The following KCND2 variants were observed in gnomAD, a reference collection of about 807,000 sequenced individuals.
KCND2 encodes the protein potassium voltage-gated channel subfamily D member 2.
Under a neutral mutation model 54.4 loss-of-function variants are expected in KCND2, and 16 were observed. That is an observed-to-expected ratio of 0.29 (90% CI 0.20 to 0.45). KCND2 has a LOEUF of 0.45. Among genes scored for constraint, KCND2 ranks in the 20% least tolerant of loss-of-function variants. KCND2 has a pLI of 1.00. For synonymous variants in KCND2, 317 were observed against 310.7 expected (o/e 1.02, Z -0.21); for missense variants, 486 against 824.2 (o/e 0.59, Z 5.02).
At chr7:120,397,775 G>T (rs1235043612) in intron 1 of KCND2, among the ~76,000 whole-genome samples, 2 of 151,206 alleles carry the variant, frequency 1.3e-5, no homozygotes, top group Non-Finnish European at 3.0e-5. Context: ...TTTCTATATT[G>T]TCATATTGGT....
intron 1 of KCND2, among the ~76,000 whole-genome samples, chr7:120,302,694 C>T (rs17142626): frequency 0.012 from 1,856 of 152,248 alleles, 93 homozygotes; most frequent in Admixed American, 0.096. Context: ...TCATTTGTGT[C>T]ACAATATAAA....
At position 120,631,246 on chromosome 7, in the gene KCND2, G is replaced by A. The variant is rs530981888; in HGVS notation, c.1116-101657G>A. Among the ~76,000 whole-genome samples, 108 of 151,994 alleles carry A rather than the reference G, an allele frequency of 7.1e-4. 2 individuals are homozygous for A. The highest frequency in any genetic ancestry group is 2.4e-3 in the African/African-American group (101 of 41,492). On this transcript the variant is annotated intron_variant, in intron 1 of 5. Transcript: ENST00000331113. ...CCAAATATTTTTCTGAGATGCCATT[G>A]TACTTGTCATAAAAAATATGAACTA... is the stretch of plus-strand genomic sequence containing the variant.
intron 1 of KCND2, among the ~76,000 whole-genome samples, chr7:120,616,405 A>G (rs746685916): frequency 5.3e-5 from 8 of 152,190 alleles, no homozygotes; most frequent in Non-Finnish European, 7.4e-5. Flanking sequence ...ACAGAACTAT[A>G]TATTATTTAG....
chr7:120,338,244 T>C (rs1405794538), intron 1 of KCND2, among the ~76,000 whole-genome samples: 2 of 152,172 alleles, frequency 1.3e-5, no homozygotes, highest in Non-Finnish European at 2.9e-5. Context: ...ACCTTTACAA[T>C]TCAGACATAG....
In KCND2 at chr7:120,352,473, C is replaced by T. The variant is rs977618385; in HGVS notation, c.1115+76726C>T. On this transcript the variant is annotated intron_variant, in intron 1 of 5. Transcript: ENST00000331113. ...ACACACATACATACACACACACACA[C>T]ACACACACACACACACACACACACA... 1.9e-3 allele frequency among the ~76,000 whole-genome samples: 286 copies of T among 150,960 alleles called. 1 individual carries two copies. Among genetic ancestry groups the T allele is most frequent in the Non-Finnish European group, 3.1e-3 (212 of 67,708 alleles).
intron 1 of KCND2, among the ~76,000 whole-genome samples, chr7:120,386,109 T>C (rs1800984295): frequency 6.6e-6 from 1 of 152,144 alleles, no homozygotes; most frequent in South Asian, 2.1e-4. Flanking sequence ...GCAGGTTTGA[T>C]GATAGGGCAG....
At chr7:120,277,088 G>T (rs903260477) in intron 1 of KCND2, among the ~76,000 whole-genome samples, 1 of 152,048 alleles carries the variant, frequency 6.6e-6, no homozygotes, top group Admixed American at 6.6e-5. Context: ...ATGTCATGTG[G>T]CCAGCTAATG....
intron 2 of KCND2, among the ~76,000 whole-genome samples, chr7:120,733,588 T>C (rs139193238): frequency 3.0e-4 from 46 of 152,276 alleles, no homozygotes; most frequent in African/African-American, 1.1e-3. Flanking sequence ...TTTCTAGATC[T>C]GATTCATTGA....
At chr7:120,457,744 GT>G (rs1247177219) in intron 1 of KCND2, among the ~76,000 whole-genome samples, 1 of 152,132 alleles carries the variant, frequency 6.6e-6, no homozygotes, top group Non-Finnish European at 1.5e-5. Flanking sequence ...CCTCCAGACT[GT>G]TCCAACCTCT....
chr7:120,490,826 T>C (rs2116299361), intron 1 of KCND2, among the ~76,000 whole-genome samples: 1 of 152,320 alleles, frequency 6.6e-6, no homozygotes, highest in Middle Eastern at 3.4e-3. Context: ...TTCTCTCCTT[T>C]GTCAGCATTA....
At chr7:120,374,926 T>A (rs1453728940) in intron 1 of KCND2, among the ~76,000 whole-genome samples, 1 of 151,848 alleles carries the variant, frequency 6.6e-6, no homozygotes, top group Non-Finnish European at 1.5e-5. Context: ...CCACTGGCTC[T>A]TTTCAGTGTT....
intron 1 of KCND2, among the ~76,000 whole-genome samples, chr7:120,595,460 A>AAAATATATATATATATATATGTGTAT (rs1418247126): frequency 1.8e-5 from 2 of 112,946 alleles, no homozygotes; most frequent in Admixed American, 1.0e-4. Flanking sequence ...CCAAAAAAAA[A>AAAATATATATATATATATATGTGTAT]ATATATATAT....
intron 1 of KCND2, among the ~76,000 whole-genome samples, chr7:120,367,782 C>T (rs1800708269): frequency 1.3e-5 from 2 of 151,818 alleles, no homozygotes; most frequent in South Asian, 2.1e-4. Flanking sequence ...AACTAGTGAC[C>T]AGTTACTTTT....
At chr7:120,423,957 T>A (rs1179648562) in intron 1 of KCND2, among the ~76,000 whole-genome samples, 2 of 152,218 alleles carry the variant, frequency 1.3e-5, no homozygotes, top group Non-Finnish European at 2.9e-5. Flanking sequence ...TGTGCTTTGT[T>A]TCTCATTAGG....
intron 1 of KCND2, among the ~76,000 whole-genome samples, chr7:120,469,973 C>A (rs73435855): frequency 0.023 from 3,477 of 152,108 alleles, 128 homozygotes; most frequent in African/African-American, 0.073. Flanking sequence ...ATCGGCTGAG[C>A]ATTACTCTTA....
At chr7:120,286,852 T>G (rs1240191990) in intron 1 of KCND2, among the ~76,000 whole-genome samples, 1 of 152,074 alleles carries the variant, frequency 6.6e-6, no homozygotes, top group East Asian at 1.9e-4. Flanking sequence ...CAACAGTTTA[T>G]TGTCGAATAA....
At position 120,361,429 on chromosome 7, in the gene KCND2, T is replaced by G. The variant is rs1162707053; in HGVS notation, c.1115+85682T>G. 3.9e-5 allele frequency among the ~76,000 whole-genome samples: 6 copies of G among 152,008 alleles called. No homozygotes were observed. In the East Asian group the frequency reaches 1.2e-3, roughly 29 times the overall value. Reference sequence around the variant, plus strand: ...TTTTTTTTCCTAATGAGATAAAGCTTAGAAATAAAACATAAGTCAATTTCT... The same window carrying G: ...TTTTTTTTCCTAATGAGATAAAGCTGAGAAATAAAACATAAGTCAATTTCT... On this transcript the variant is annotated intron_variant, in intron 1 of 5. Transcript: ENST00000331113.
chr7:120,643,786 A>G (rs1215977220), intron 1 of KCND2, among the ~76,000 whole-genome samples: 2 of 151,734 alleles, frequency 1.3e-5, no homozygotes, highest in Non-Finnish European at 2.9e-5. Context: ...TATTTTAACC[A>G]TGAGTGAAAT....
At chr7:120,547,464 TTGCTC>T (rs1262702896) in intron 1 of KCND2, among the ~76,000 whole-genome samples, 1 of 152,090 alleles carries the variant, frequency 6.6e-6, no homozygotes, top group East Asian at 1.9e-4. Flanking sequence ...ACTTCTCCTA[TTGCTC>T]TGGCAAAATG....
Sources: gnomAD v4.1 joint callset for allele counts (sites outside exome capture counted in the v4.1 genomes callset) on GRCh38, gnomAD v4.1.1 for gene constraint, MANE v1.5 for transcripts, NCBI Gene and HGNC (gene_info 2026-07-23, HGNC 2026-07-21) for gene names.